Variants in SNTG1 observed in about 807,000 individuals in gnomAD.
SNTG1 encodes gamma-1-syntrophin.
Under a neutral mutation model 74.7 loss-of-function variants are expected in SNTG1, and 39 were observed. The observed-to-expected ratio is 0.52, with a 90% CI of 0.40 to 0.68. The LOEUF is 0.68. Ranked by LOEUF, SNTG1 falls within the 30% of genes least tolerant of loss-of-function variation. The pLI, the probability that SNTG1 is intolerant of heterozygous loss-of-function variation, is 0.00. For missense variants in SNTG1, 685 were observed against 609.5 expected (o/e 1.12, Z -1.30); for synonymous variants, 254 against 217.1 (o/e 1.17, Z -1.49).
At chr8:49,975,271 T>A (rs1332514373) in intron 1 of SNTG1, among the ~76,000 whole-genome samples, 1 of 152,192 alleles carries the variant, frequency 6.6e-6, no homozygotes, top group Non-Finnish European at 1.5e-5. Flanking sequence ...TTCAAGAGAT[T>A]TTTTCATTCT....
chr8:50,230,327 A>AG (rs397792150), intron 2 of SNTG1, among the ~76,000 whole-genome samples: 2 of 150,404 alleles, frequency 1.3e-5, no homozygotes, highest in East Asian at 3.9e-4. Flanking sequence ...GAGAAAGAAA[A>AG]CAGAGAAGAC....
chr8:49,998,276 G>T (rs1269025160), intron 1 of SNTG1, among the ~76,000 whole-genome samples: 1 of 152,128 alleles, frequency 6.6e-6, no homozygotes, highest in Non-Finnish European at 1.5e-5. Flanking sequence ...TGAGTGAGTG[G>T]TGACTGAATG....
chr8:50,349,873 G>A (rs920076579), intron 2 of SNTG1, among the ~76,000 whole-genome samples: 8 of 152,156 alleles, frequency 5.3e-5, no homozygotes, highest in African/African-American at 1.7e-4. Flanking sequence ...TTTCTGGGCT[G>A]GCCAAGGTAG....
At chr8:50,468,151 A>T (rs1040189800) in intron 8 of SNTG1, among the ~76,000 whole-genome samples, 1 of 152,032 alleles carries the variant, frequency 6.6e-6, no homozygotes, top group African/African-American at 2.4e-5. Flanking sequence ...CTATTATAAC[A>T]ATAGTACTGT....
intron 5 of SNTG1, among the ~76,000 whole-genome samples, chr8:50,440,130 GTA>G (rs1287089444): frequency 2.5e-4 from 38 of 151,406 alleles, no homozygotes; most frequent in African/African-American, 8.0e-4. Flanking sequence ...AATTAAATAA[GTA>G]TGAATTTTCC....
intron 4 of SNTG1, among the ~76,000 whole-genome samples, chr8:50,426,335 A>G (rs1281217230): frequency 1.3e-5 from 2 of 152,220 alleles, no homozygotes. Flanking sequence ...ATTACAGCGT[A>G]TCATAAGATT....
chr8:50,504,179 T>C (rs1292546362), intron 9 of SNTG1, among the ~76,000 whole-genome samples: 1 of 152,184 alleles, frequency 6.6e-6, no homozygotes, highest in Non-Finnish European at 1.5e-5. Context: ...ATGATCTCGT[T>C]CTTTTTTATG....
intron 8 of SNTG1, among the ~76,000 whole-genome samples, chr8:50,460,804 G>T (rs1213048385): frequency 6.6e-6 from 1 of 151,996 alleles, no homozygotes; most frequent in Non-Finnish European, 1.5e-5. Context: ...TGGGCATATG[G>T]TTTTATATCT....
chr8:50,660,843 A>AT (rs1297034336), intron 15 of SNTG1, among the ~76,000 whole-genome samples: 3 of 152,170 alleles, frequency 2.0e-5, no homozygotes, highest in Non-Finnish European at 2.9e-5. Flanking sequence ...CTTTGTTACA[A>AT]TTTTTGACAA....
chr8:50,369,239 G>T (rs973686864), intron 2 of SNTG1, among the ~76,000 whole-genome samples: 2 of 152,142 alleles, frequency 1.3e-5, no homozygotes, highest in African/African-American at 4.8e-5. Flanking sequence ...ACTTTGGGAG[G>T]TATCAAAGTG....
chr8:50,611,414 G>T (rs2094849007), intron 13 of SNTG1, among the ~76,000 whole-genome samples: 1 of 152,096 alleles, frequency 6.6e-6, no homozygotes, highest in Non-Finnish European at 1.5e-5. Flanking sequence ...AGTGTGGGGA[G>T]GGGTAGGGAA....
chr8:50,731,821 C>T (rs1485829678), intron 17 of SNTG1, among the ~76,000 whole-genome samples: 1 of 152,048 alleles, frequency 6.6e-6, no homozygotes, highest in East Asian at 1.9e-4. Flanking sequence ...CCAATAAGTC[C>T]TTGAGTTTAG....
intron 2 of SNTG1, among the ~76,000 whole-genome samples, chr8:50,209,553 G>A (rs2084411112): frequency 6.6e-6 from 1 of 152,152 alleles, no homozygotes; most frequent in Non-Finnish European, 1.5e-5. Context: ...AGCAACATTT[G>A]CCGTTCTGCA....
At position 50,583,394 on chromosome 8, in the gene SNTG1, C is replaced by CAA. The variant is rs58794829; in HGVS notation, c.811-7466_811-7465dup. ...CCAGCCTGGGCGACAGAGTGAGACT[C>CAA]AAAAAAAAAAAAAAAAAAAAGAAAG... On this transcript the variant is annotated intron_variant, in intron 12 of 18. Coordinates refer to ENST00000642720, the MANE Select transcript of SNTG1 (RefSeq NM_018967.5). Among the ~76,000 whole-genome samples the CAA allele has an allele frequency of 7.5e-3, 617 of 82,372 alleles. 9 individuals carry two copies. Among genetic ancestry groups the CAA allele is most frequent in the African/African-American group, 0.031 (572 of 18,528 alleles). The allele number at this position is 82,372 out of a possible 152,430, so 54.0% of individuals were successfully genotyped here.
At chr8:50,148,484 T>C (rs897982785) in intron 1 of SNTG1, among the ~76,000 whole-genome samples, 1 of 152,226 alleles carries the variant, frequency 6.6e-6, no homozygotes, top group Non-Finnish European at 1.5e-5. Flanking sequence ...TGTATACATA[T>C]GCCATGTTGG....
intron 17 of SNTG1, among the ~76,000 whole-genome samples, chr8:50,720,088 A>G (rs1039630303): frequency 3.3e-5 from 5 of 152,192 alleles, no homozygotes; most frequent in African/African-American, 1.2e-4. Context: ...TTCCTGTTCT[A>G]TTATGTCCAG....
At chr8:50,273,652 G>C (rs1004101002) in intron 2 of SNTG1, among the ~76,000 whole-genome samples, 1 of 152,112 alleles carries the variant, frequency 6.6e-6, no homozygotes, top group Non-Finnish European at 1.5e-5. Context: ...ATCAGTGTAG[G>C]CCTCCTGGGG....
chr8:50,007,696 G>A (rs937749553), intron 1 of SNTG1, among the ~76,000 whole-genome samples: 3 of 152,144 alleles, frequency 2.0e-5, no homozygotes, highest in African/African-American at 7.2e-5. Context: ...TGAGCTAAGA[G>A]GGTGGGGAGA....
chr8:50,136,380 T>G (rs2081476526), intron 1 of SNTG1, among the ~76,000 whole-genome samples: 2 of 152,176 alleles, frequency 1.3e-5, no homozygotes, highest in Admixed American at 1.3e-4. Context: ...TGAAAGCATA[T>G]AAGCTTTCTC....
Sources: gnomAD v4.1 joint callset for allele counts (sites outside exome capture counted in the v4.1 genomes callset) on GRCh38, gnomAD v4.1.1 for gene constraint, MANE v1.5 for transcripts, NCBI Gene and HGNC (gene_info 2026-07-23, HGNC 2026-07-21) for gene names.